The following CTNNA2 variants were observed in gnomAD, a reference collection of about 807,000 sequenced individuals.
CTNNA2 encodes the protein catenin alpha-2.
In CTNNA2, 42 loss-of-function variants were observed where a neutral mutation model predicts 101.0. The ratio of observed to expected loss-of-function variants is 0.42; its 90% CI spans 0.32 to 0.54. The LOEUF (loss-of-function observed/expected upper bound fraction) is 0.54, where lower values mean the gene tolerates loss of function less well. Among genes scored for constraint, CTNNA2 ranks in the 20% least tolerant of loss-of-function variants. The pLI is 0.14. For missense variants in CTNNA2, 871 were observed against 1,223.1 expected, an observed-to-expected ratio of 0.71 and a Z score of 4.29; for synonymous variants, 450 against 456.4, an observed-to-expected ratio of 0.99 and a Z score of 0.18.
chr2:80,584,282 A>T (rs1161427788), intron 14 of CTNNA2, among the ~76,000 whole-genome samples: 2 of 152,088 alleles, frequency 1.3e-5, no homozygotes, highest in Non-Finnish European at 2.9e-5. Flanking sequence ...ATGGTAAATT[A>T]ATCTATAAGA....
At position 79,891,257 on chromosome 2, in the gene CTNNA2, C is replaced by T. The variant is rs372618366; in HGVS notation, c.852+16915C>T. 3.3e-5 allele frequency among the ~76,000 whole-genome samples: 5 copies of T among 152,178 alleles called. No homozygotes were observed. In the East Asian group the frequency reaches 5.8e-4, roughly 18 times the overall value. ...TGCCTACCAAAACTGACCAGATTTG[C>T]ATGGAAGTTAAGAATCGTGTTTTAT... On this transcript the variant is annotated intron_variant, in intron 6 of 18. Coordinates refer to ENST00000402739, the MANE Select transcript of CTNNA2 (RefSeq NM_001282597.3).
intron 7 of CTNNA2, among the ~76,000 whole-genome samples, chr2:80,022,776 T>C (rs1046412330): frequency 2.6e-5 from 4 of 152,152 alleles, no homozygotes; most frequent in African/African-American, 9.7e-5. Flanking sequence ...GAGGAAGGCC[T>C]TTCATGTGGA....
At chr2:80,218,328 G>C (rs1036935615) in intron 7 of CTNNA2, among the ~76,000 whole-genome samples, 6 of 152,228 alleles carry the variant, frequency 3.9e-5, no homozygotes, top group African/African-American at 1.4e-4. Flanking sequence ...AATCAACAAG[G>C]TGACAGCTCT....
Position 80,095,068 on chromosome 2 carries a change from C to T in CTNNA2, c.1056+185271C>T, listed in dbSNP as rs572510177. ...GAATAGGAGTGGTGAGAGAGGGCTT[C>T]CCTGTCTTGTGCCAGTTTTCAAAGG... On this transcript the variant is annotated intron_variant, in intron 7 of 18. Coordinates refer to ENST00000402739, the MANE Select transcript of CTNNA2 (RefSeq NM_001282597.3). Among the ~76,000 whole-genome samples the T allele has an allele frequency of 2.0e-5, 3 of 152,300 alleles. No homozygotes were observed. The South Asian group carries it at 6.2e-4, about 32-fold the overall frequency.
intron 9 of CTNNA2, among the ~76,000 whole-genome samples, chr2:80,486,077 A>G (rs1248950613): frequency 6.6e-6 from 1 of 152,228 alleles, no homozygotes; most frequent in African/African-American, 2.4e-5. Context: ...ATCAAGAAGC[A>G]TATTAGAAAT....
chr2:79,850,657 C>T (rs1009166700), intron 3 of CTNNA2, among the ~76,000 whole-genome samples: 10 of 152,276 alleles, frequency 6.6e-5, no homozygotes, highest in African/African-American at 2.4e-4. Flanking sequence ...TGAATGCCTA[C>T]TTCACCACTT....
chr2:80,074,138 C>A (rs903038283), intron 7 of CTNNA2, among the ~76,000 whole-genome samples: 1 of 151,820 alleles, frequency 6.6e-6, no homozygotes, highest in African/African-American at 2.4e-5. Flanking sequence ...TTAATTATGG[C>A]TTGATTTATT....
In CTNNA2 at chr2:79,578,243, T is replaced by G. The variant is rs573595436; in HGVS notation, c.-6+65036T>G. Among the ~76,000 whole-genome samples the G allele has an allele frequency of 1.5e-3, 228 of 152,258 alleles. 2 individuals are homozygous for G. Among genetic ancestry groups the G allele is most frequent in the African/African-American group, 5.3e-3 (220 of 41,552 alleles). On this transcript the variant is annotated intron_variant, in intron 1 of 18. Transcript: ENST00000402739. ...TTTTTTTCCTATTAGTTAATAGGTC[T>G]TTTTTTAATATGTAGAATTTCATTA...
chr2:79,776,267 AT>A (rs375816678), intron 3 of CTNNA2, among the ~76,000 whole-genome samples: 21 of 151,766 alleles, frequency 1.4e-4, no homozygotes, highest in East Asian at 3.9e-4. Flanking sequence ...AACTTTTGGA[AT>A]TTTTTTTTAA....
intron 7 of CTNNA2, among the ~76,000 whole-genome samples, chr2:80,128,164 A>G (rs974678528): frequency 2.0e-5 from 3 of 152,200 alleles, no homozygotes; most frequent in Non-Finnish European, 2.9e-5. Context: ...AGCCACTGGC[A>G]GAAGTTGTGA....
chr2:79,919,827 G>A (rs1686530980), intron 7 of CTNNA2, among the ~76,000 whole-genome samples: 1 of 152,176 alleles, frequency 6.6e-6, no homozygotes, highest in South Asian at 2.1e-4. Context: ...AACTCTGAGA[G>A]GTATTTTTCT....
intron 7 of CTNNA2, among the ~76,000 whole-genome samples, chr2:80,365,302 T>C (rs1674813944): frequency 6.6e-6 from 1 of 152,178 alleles, no homozygotes; most frequent in African/African-American, 2.4e-5. Context: ...CATCAAAGAA[T>C]GAGTAGTAGG....
intron 18 of CTNNA2, 119 bp downstream of exon 18, chr2:80,619,347 C>A: frequency 8.9e-7 from 1 of 1,128,282 alleles, no homozygotes; most frequent in Non-Finnish European, 1.2e-6. Flanking sequence ...TAATATTAAC[C>A]AACTTTGGGC....
chr2:79,278,386 G>T (rs1675271651), intron 2 of CTNNA2, among the ~76,000 whole-genome samples: 1 of 152,096 alleles, frequency 6.6e-6, no homozygotes, highest in Non-Finnish European at 1.5e-5. Context: ...ATTGGAGACA[G>T]GTATTGGTAA....
At chr2:79,544,496 G>A (rs192871954) in intron 1 of CTNNA2, among the ~76,000 whole-genome samples, 1 of 152,248 alleles carries the variant, frequency 6.6e-6, no homozygotes, top group Admixed American at 6.5e-5. Flanking sequence ...CCTAGTCTAG[G>A]TGCCACTTCA....
At chr2:80,046,252 C>T (rs1429058772) in intron 7 of CTNNA2, among the ~76,000 whole-genome samples, 2 of 152,134 alleles carry the variant, frequency 1.3e-5, no homozygotes, top group Non-Finnish European at 2.9e-5. Flanking sequence ...ACCTTGATGC[C>T]ATCAATTGTT....
At chr2:80,551,542 C>A (rs1409253498) in intron 11 of CTNNA2, among the ~76,000 whole-genome samples, 1 of 152,212 alleles carries the variant, frequency 6.6e-6, no homozygotes, top group Non-Finnish European at 1.5e-5. Context: ...TCAGCACTTG[C>A]TGGTTTACCT....
At chr2:79,612,906 C>T (rs548633696) in intron 1 of CTNNA2, among the ~76,000 whole-genome samples, 1 of 152,032 alleles carries the variant, frequency 6.6e-6, no homozygotes, top group South Asian at 2.1e-4. Context: ...TTAGATTTTT[C>T]AAAAGAAAAA....
chr2:79,795,021 C>T (rs1309465555), intron 3 of CTNNA2, among the ~76,000 whole-genome samples: 2 of 152,164 alleles, frequency 1.3e-5, no homozygotes, highest in Admixed American at 6.5e-5. Context: ...ATCAGTCTAA[C>T]TGTGAATAAA....
Sources: gnomAD v4.1 joint callset for allele counts (sites outside exome capture counted in the v4.1 genomes callset) on GRCh38, gnomAD v4.1.1 for gene constraint, MANE v1.5 for transcripts, NCBI Gene and HGNC (gene_info 2026-07-23, HGNC 2026-07-21) for gene names.